The following LGR4 variants were observed in gnomAD, a reference collection of about 807,000 sequenced individuals.
LGR4 encodes the protein leucine-rich repeat-containing G protein-coupled receptor 4.
A neutral mutation model predicts 84.8 loss-of-function variants in LGR4; 44 were observed. The observed-to-expected ratio is 0.52, with a 90% confidence interval of 0.41 to 0.67. LGR4 has a LOEUF of 0.67. Among genes scored for constraint, LGR4 ranks in the 30% least tolerant of loss-of-function variants. LGR4 has a pLI of 0.00. For missense variants in LGR4, 1,032 were observed against 1,131.4 expected, an observed-to-expected ratio of 0.91 and a Z score of 1.26; for synonymous variants, 429 against 434.3, an observed-to-expected ratio of 0.99 and a Z score of 0.15.
chr11:27,405,425 T>G (rs1336324667), intron 2 of LGR4, among the ~76,000 whole-genome samples: 1 of 152,106 alleles, frequency 6.6e-6, no homozygotes, highest in African/African-American at 2.4e-5. Context: ...TTCAATCTAA[T>G]GTTTCCAGTA....
At chr11:27,406,132 T>C (rs1863603828) in intron 2 of LGR4, among the ~76,000 whole-genome samples, 1 of 152,178 alleles carries the variant, frequency 6.6e-6, no homozygotes, top group African/African-American at 2.4e-5. Context: ...TCTTTGTACA[T>C]GTCCTCTTGA....
At chr11:27,468,191 A>C (rs1235169528) in intron 1 of LGR4, among the ~76,000 whole-genome samples, 1 of 152,228 alleles carries the variant, frequency 6.6e-6, no homozygotes, top group Non-Finnish European at 1.5e-5. Flanking sequence ...AAAGTCCTTC[A>C]GGTAACTCAA....
intron 1 of LGR4, among the ~76,000 whole-genome samples, chr11:27,427,027 GA>G (rs914255751): frequency 3.1e-4 from 47 of 152,210 alleles, no homozygotes; most frequent in Admixed American, 2.7e-3. Flanking sequence ...AAAACAAAGA[GA>G]AAAACAGTAC....
intron 1 of LGR4, among the ~76,000 whole-genome samples, chr11:27,427,798 G>A (rs60326243): frequency 0.021 from 3,135 of 152,252 alleles, 98 homozygotes; most frequent in African/African-American, 0.072. Context: ...AAGTTACACC[G>A]AATTCCCTTA....
intron 2 of LGR4, among the ~76,000 whole-genome samples, chr11:27,399,071 C>T (rs1052686040): frequency 5.3e-5 from 8 of 152,020 alleles, no homozygotes; most frequent in South Asian, 2.1e-4. Context: ...CCACCACACT[C>T]GGCTAATTCT....
chr11:27,455,453 C>CA (rs1864557882), intron 1 of LGR4, among the ~76,000 whole-genome samples: 1 of 152,086 alleles, frequency 6.6e-6, no homozygotes, highest in Non-Finnish European at 1.5e-5. Context: ...TAATAACTAC[C>CA]ATGTCTATAA....
At chr11:27,408,805 C>A (rs902185434) in intron 2 of LGR4, among the ~76,000 whole-genome samples, 4 of 152,110 alleles carry the variant, frequency 2.6e-5, no homozygotes, top group African/African-American at 4.8e-5. Context: ...AAATTTCTCA[C>A]GGCGACATAG....
rs576787928 is a variant in LGR4, at chr11:27,447,531, C to T, written c.185+24587G>A. On this transcript the variant is annotated intron_variant, in intron 1 of 17. Transcript: ENST00000379214. ...AACTCCCTGCCCCTTTCCTGGAAAA[C>T]GCATAAATAATCCACACTTTGTTTA... Among the ~76,000 whole-genome samples, 8 of 152,254 alleles carry T rather than the reference C, an allele frequency of 5.3e-5. No homozygotes were observed. The South Asian group carries it at 6.2e-4, about 12-fold the overall frequency.
intron 1 of LGR4, among the ~76,000 whole-genome samples, chr11:27,453,622 AG>A (rs1171891847): frequency 1.1e-4 from 16 of 152,304 alleles, no homozygotes; most frequent in Middle Eastern, 6.8e-3. Context: ...TAGGAATGCA[AG>A]GATGGCATCA....
At position 27,385,473 on chromosome 11, in the gene LGR4, C is replaced by CAGAA. The variant is rs778310032; in HGVS notation, c.402-9_402-6dup. ...ATATGGTTGGCATCTAAACGCCTAA[C>CAGAA]AGAAACAAAAACAACCATGTTCAGT... On this transcript the variant is annotated splice_polypyrimidine_tract_variant and splice_region_variant and intron_variant, in intron 4 of 17. Transcript: ENST00000379214. The CAGAA allele has an allele frequency of 1.0e-5, 16 of 1,582,232 alleles. No individual in the cohort carries two copies. The South Asian group carries it at 1.8e-4, about 18-fold the overall frequency.
intron 1 of LGR4, among the ~76,000 whole-genome samples, chr11:27,453,209 C>T (rs1009669288): frequency 6.6e-5 from 10 of 152,052 alleles, no homozygotes; most frequent in African/African-American, 2.4e-4. Flanking sequence ...GCTGGGATTA[C>T]AGGCGCCTGC....
intron 2 of LGR4, among the ~76,000 whole-genome samples, chr11:27,393,869 T>C (rs541486940): frequency 8.0e-6 from 1 of 125,162 alleles, no homozygotes; most frequent in South Asian, 2.5e-4. Flanking sequence ...CAGTTACTAA[T>C]AAAATGCAAA....
At chr11:27,428,523 A>G (rs1864063721) in intron 1 of LGR4, among the ~76,000 whole-genome samples, 1 of 152,256 alleles carries the variant, frequency 6.6e-6, no homozygotes, top group Non-Finnish European at 1.5e-5. Context: ...TACACCAACA[A>G]ATGCACAAAC....
At chr11:27,421,955 C>T (rs1863929089) in intron 1 of LGR4, among the ~76,000 whole-genome samples, 1 of 152,192 alleles carries the variant, frequency 6.6e-6, no homozygotes. Context: ...CATCTGGCAA[C>T]ACAGGGAATA....
chr11:27,388,106 A>T (rs1406738509), intron 4 of LGR4, among the ~76,000 whole-genome samples: 1 of 152,216 alleles, frequency 6.6e-6, no homozygotes, highest in Non-Finnish European at 1.5e-5. Context: ...AAAAATTGTG[A>T]AGTCACATAT....
chr11:27,464,193 GTT>G (rs965644326), intron 1 of LGR4, among the ~76,000 whole-genome samples: 1 of 152,218 alleles, frequency 6.6e-6, no homozygotes, highest in African/African-American at 2.4e-5. Flanking sequence ...CTCTGAGACG[GTT>G]TGCACACAGG....
rs949238471 is a variant in LGR4, at chr11:27,368,177, G to A, written c.2546C>T (p.Ser849Leu). The A allele has an allele frequency of 6.2e-7, 1 of 1,614,206 alleles. No homozygotes were observed. The highest frequency in any genetic ancestry group is 1.7e-5 in the Admixed American group (1 of 60,032). ...AACAGTCAGGTTGCCCTGCAAATGTGAGTACATGCCACAGTCGTAGTAGAA... is the reference window on the plus strand; with the variant it reads ...AACAGTCAGGTTGCCCTGCAAATGTAAGTACATGCCACAGTCGTAGTAGAA... ...QDFYYDCGMY[S>L]HLQGNLTVCD... Residue 849 changes from serine to leucine, a missense_variant, in exon 18 of 18, where the codon TCA (serine) becomes TTA (leucine). Physicochemically the swap from Ser to Leu is moderately radical, Grantham distance 145. Transcript: ENST00000379214.
At chr11:27,417,197 CTAAAT>C (rs1219109300) in intron 1 of LGR4, among the ~76,000 whole-genome samples, 2 of 151,730 alleles carry the variant, frequency 1.3e-5, no homozygotes, top group Non-Finnish European at 2.9e-5. Context: ...TAAAAAGTCA[CTAAAT>C]TATATACAGG....
intron 11 of LGR4, 37 bp downstream of exon 11, chr11:27,378,658 CAA>C: frequency 7.3e-7 from 1 of 1,378,242 alleles, no homozygotes; most frequent in Non-Finnish European, 1.0e-6. Context: ...AATATATAAA[CAA>C]AAGGTATGAG....
Sources: gnomAD v4.1 joint callset for allele counts (sites outside exome capture counted in the v4.1 genomes callset) on GRCh38, gnomAD v4.1.1 for gene constraint, MANE v1.5 for transcripts, NCBI Gene and HGNC (gene_info 2026-07-23, HGNC 2026-07-21) for gene names.